The following NEK10 variants were observed in gnomAD, a reference collection of about 807,000 sequenced individuals.
The protein encoded by NEK10 is NIMA related kinase 10.
In NEK10, 122 loss-of-function variants were observed where a neutral mutation model predicts 159.8. That is an observed-to-expected ratio of 0.76 (90% CI 0.66 to 0.89). NEK10 has a LOEUF of 0.89. NEK10 is among the 40% of genes least tolerant of loss of function. The pLI is 0.00. For missense variants in NEK10, 1,342 were observed against 1,323.1 expected (o/e 1.01, Z -0.22); for synonymous variants, 466 against 457.1 (o/e 1.02, Z -0.25).
chr3:27,170,810 CT>C (rs1946913308), intron 29 of NEK10, among the ~76,000 whole-genome samples: 1 of 152,070 alleles, frequency 6.6e-6, no homozygotes, highest in Non-Finnish European at 1.5e-5. Flanking sequence ...TTAATTTTAT[CT>C]TCACCTCCCT....
chr3:27,254,525 T>C (rs1358144043), intron 23 of NEK10, among the ~76,000 whole-genome samples: 1 of 152,212 alleles, frequency 6.6e-6, no homozygotes, highest in East Asian at 1.9e-4. Flanking sequence ...TGAGTTCTTT[T>C]AACTCCATAC....
intron 3 of NEK10, among the ~76,000 whole-genome samples, chr3:27,348,753 C>T (rs546920413): frequency 4.6e-5 from 7 of 152,252 alleles, no homozygotes; most frequent in African/African-American, 9.6e-5. Context: ...GTATAGCTTA[C>T]GCAACATCCT....
intron 29 of NEK10, among the ~76,000 whole-genome samples, chr3:27,163,977 A>C (rs1479116973): frequency 6.6e-6 from 1 of 152,150 alleles, no homozygotes; most frequent in Non-Finnish European, 1.5e-5. Flanking sequence ...CACTAGAATA[A>C]TACCAAAATC....
chr3:27,320,965 A>T (rs1488222200), intron 6 of NEK10, among the ~76,000 whole-genome samples: 2 of 152,204 alleles, frequency 1.3e-5, no homozygotes, highest in Non-Finnish European at 2.9e-5. Flanking sequence ...AACAACAAAG[A>T]AAAAATAAGA....
intron 15 of NEK10, among the ~76,000 whole-genome samples, chr3:27,294,772 GAA>G (rs960764326): frequency 1.3e-5 from 2 of 150,136 alleles, no homozygotes; most frequent in African/African-American, 4.9e-5. Context: ...TGACTTGGGG[GAA>G]AAAAAAAGAT....
At chr3:27,157,744 C>T (rs187275752) in intron 30 of NEK10, among the ~76,000 whole-genome samples, 3 of 152,126 alleles carry the variant, frequency 2.0e-5, no homozygotes, top group Non-Finnish European at 1.5e-5. Flanking sequence ...CAGCATCGCA[C>T]GCTACAGAGA....
chr3:27,237,125 CA>C (rs1467686358), intron 23 of NEK10, among the ~76,000 whole-genome samples: 1 of 152,174 alleles, frequency 6.6e-6, no homozygotes, highest in Admixed American at 6.5e-5. Flanking sequence ...AGGCTCTCTG[CA>C]AGAAGAAAAA....
chr3:27,329,578 CAA>C (rs1193955833), intron 5 of NEK10, among the ~76,000 whole-genome samples: 8 of 152,184 alleles, frequency 5.3e-5, no homozygotes, highest in African/African-American at 1.7e-4. Context: ...AGCCAAGGAA[CAA>C]CCAGTTCTTT....
intron 30 of NEK10, among the ~76,000 whole-genome samples, chr3:27,155,533 A>C (rs1049112355): frequency 1.3e-5 from 2 of 148,844 alleles, no homozygotes; most frequent in African/African-American, 4.9e-5. Context: ...AAAATAAAAT[A>C]AAATAAAATA....
intron 29 of NEK10, among the ~76,000 whole-genome samples, chr3:27,163,935 T>C (rs1039805878): frequency 1.8e-4 from 27 of 152,276 alleles, no homozygotes; most frequent in Non-Finnish European, 3.1e-4. Context: ...CGTAACAAAA[T>C]TGGCACTCAT....
chr3:27,350,107 A>C (rs55676236), intron 3 of NEK10, among the ~76,000 whole-genome samples: 49,892 of 152,090 alleles, frequency 0.33, 10,283 homozygotes, highest in East Asian at 0.74. Context: ...GTTCATTTGC[A>C]AAAAACAGGC....
At chr3:27,337,034 G>T (rs1254975670) in intron 5 of NEK10, among the ~76,000 whole-genome samples, 8 of 151,838 alleles carry the variant, frequency 5.3e-5, no homozygotes, top group Non-Finnish European at 1.2e-4. Flanking sequence ...ATTTGGCGGG[G>T]GGGAAAGGAA....
In NEK10 at chr3:27,322,157, AT is replaced by A; in HGVS notation, c.447+19del. On this transcript the variant is annotated intron_variant, in intron 6 of 35. Coordinates refer to ENST00000691995, the MANE Select transcript of NEK10 (RefSeq NM_001394966.1). ...AACTTTATAACAAGTAAAAAAAAAA[AT>A]TGTATTTTTCCAACCAACCTGATAA... is the stretch of plus-strand genomic sequence containing the variant. The A allele has an allele frequency of 1.5e-6, 2 of 1,355,614 alleles. No individual in the cohort carries two copies. The highest frequency in any genetic ancestry group is 2.5e-5 in the East Asian group (1 of 40,442). The allele number at this position is 1,355,614 out of a possible 1,614,324, so 84.0% of individuals were successfully genotyped here. A position where few individuals can be genotyped will look rare whatever the true frequency, so the allele number is the denominator to read the frequency against.
At chr3:27,170,255 G>C (rs145198815) in intron 29 of NEK10, among the ~76,000 whole-genome samples, 2 of 152,156 alleles carry the variant, frequency 1.3e-5, no homozygotes, top group African/African-American at 2.4e-5. Flanking sequence ...AGCCCTGCCT[G>C]GCATCACCAC....
intron 5 of NEK10, among the ~76,000 whole-genome samples, chr3:27,333,197 CCTCAGTAGTCCACAT>C (rs1186987711): frequency 6.6e-6 from 1 of 151,996 alleles, no homozygotes; most frequent in Non-Finnish European, 1.5e-5. Context: ...AGTGAGAGAC[CCTCAGTAGTCCACAT>C]TATCACCATG....
In NEK10 at chr3:27,318,024, C is replaced by T. The variant is rs1224514749; in HGVS notation, c.448-3686G>A. Among the ~76,000 whole-genome samples the T allele has an allele frequency of 3.3e-5, 5 of 152,190 alleles. No homozygotes were observed. The South Asian group carries it at 8.3e-4, about 25-fold the overall frequency. On this transcript the variant is annotated intron_variant, in intron 6 of 35. Coordinates refer to ENST00000691995, the MANE Select transcript of NEK10 (RefSeq NM_001394966.1). Reference sequence around the variant, plus strand: ...TTCACCGTGTTAGCCAGGAAGGTCTCGATCTCCTGACTTCGTGATCCACCC... The same window carrying T: ...TTCACCGTGTTAGCCAGGAAGGTCTTGATCTCCTGACTTCGTGATCCACCC...
chr3:27,201,878 G>C (rs1011479634), intron 24 of NEK10, among the ~76,000 whole-genome samples: 1 of 152,142 alleles, frequency 6.6e-6, no homozygotes, highest in African/African-American at 2.4e-5. Context: ...TAAAAGACCA[G>C]CTGGGCGCAG....
In NEK10 at chr3:27,319,294, C is replaced by T. The variant is rs578170309; in HGVS notation, c.447+2883G>A. 9.2e-5 allele frequency among the ~76,000 whole-genome samples: 14 copies of T among 152,272 alleles called. No individual in the cohort carries two copies. In the South Asian group the frequency reaches 2.7e-3, roughly 29 times the overall value. ...TCTCAATACGTGTCTTCGTTTAATT[C>T]TGAAAAACTCTAAACAATTATATCT... On this transcript the variant is annotated intron_variant, in intron 6 of 35. Transcript: ENST00000691995.
intron 5 of NEK10, among the ~76,000 whole-genome samples, chr3:27,337,746 T>A (rs1314165666): frequency 6.6e-6 from 1 of 152,152 alleles, no homozygotes; most frequent in African/African-American, 2.4e-5. Flanking sequence ...TGGATATCAG[T>A]ATGCAGAAGA....
Sources: allele counts gnomAD v4.1 joint callset (sites outside exome capture counted in the v4.1 genomes callset), GRCh38; gene constraint gnomAD v4.1.1; transcripts MANE v1.5; gene names NCBI Gene and HGNC (gene_info 2026-07-23, HGNC 2026-07-21).